GPHN: variants seen among roughly 807,000 people sequenced by gnomAD.
GPHN encodes gephyrin.
A neutral mutation model predicts 95.5 loss-of-function variants in GPHN; 17 were observed. The ratio of observed to expected loss-of-function variants is 0.18; its 90% CI spans 0.12 to 0.27. The LOEUF (loss-of-function observed/expected upper bound fraction) is 0.27. Ranked by LOEUF, GPHN falls within the 10% of genes least tolerant of loss-of-function variation. The pLI is 1.00. For missense variants in GPHN, 660 were observed against 978.1 expected (o/e 0.67, Z 4.34); for synonymous variants, 320 against 322.5 (o/e 0.99, Z 0.08).
the GPHN span, among the ~76,000 whole-genome samples, chr14:67,548,059 G>A: frequency 6.6e-6 from 1 of 152,274 alleles, no homozygotes; most frequent in African/African-American, 2.4e-5. Context: ...GATGACTTGA[G>A]ATTCACATCT....
the GPHN span, chr14:67,241,127 C>G: frequency 6.6e-6 from 1 of 152,248 alleles, no homozygotes; most frequent in South Asian, 2.1e-4. Context: ...CTTAGAGGCG[C>G]GCGACTGCGC....
At chr14:67,392,969 A>G in the GPHN span, 65 of 882,444 alleles carry the variant, frequency 7.4e-5, no homozygotes, top group Non-Finnish European at 1.0e-4. Flanking sequence ...GCAAGAGCAG[A>G]CTGAAGGCCA....
At chr14:66,685,669 T>G (rs1221537701) in intron 2 of GPHN, among the ~76,000 whole-genome samples, 1 of 152,132 alleles carries the variant, frequency 6.6e-6, no homozygotes, top group East Asian at 1.9e-4. Context: ...ATGAGTAGAT[T>G]GCAAAAATTT....
At chr14:67,163,118 C>T (rs1421672170) in intron 19 of GPHN, among the ~76,000 whole-genome samples, 1 of 151,938 alleles carries the variant, frequency 6.6e-6, no homozygotes, top group African/African-American at 2.4e-5. Flanking sequence ...CCAGCCTGGG[C>T]ACATAGCGAG....
At chr14:67,642,350 G>A in the GPHN span, 1 of 1,613,734 alleles carries the variant, frequency 6.2e-7, no homozygotes, top group African/African-American at 1.3e-5. Flanking sequence ...TGTCACACTG[G>A]GAGGAGACCA....
intron 8 of GPHN, among the ~76,000 whole-genome samples, chr14:66,933,218 G>A (rs752136871): frequency 1.3e-5 from 2 of 152,164 alleles, no homozygotes; most frequent in Non-Finnish European, 2.9e-5. Flanking sequence ...AGAATGAAAA[G>A]GAAGAAATAG....
Position 66,993,518 on chromosome 14 carries a change from T to C in GPHN, c.963+28193T>C, listed in dbSNP as rs147316555. 7.3e-3 allele frequency among the ~76,000 whole-genome samples: 1,116 copies of C among 152,324 alleles called. 13 individuals are homozygous for C. The highest frequency in any genetic ancestry group is 7.5e-3 in the Non-Finnish European group (512 of 68,008). On this transcript the variant is annotated intron_variant, in intron 9 of 22. Coordinates refer to ENST00000478722, the MANE Select transcript of GPHN (RefSeq NM_020806.5). ...CTGAAGACCATGATGAACTTTTGAT[T>C]TTTGCTAAATGCCCTGTTTGGCCTC...
At chr14:67,423,490 G>A in the GPHN span, among the ~76,000 whole-genome samples, 49 of 152,194 alleles carry the variant, frequency 3.2e-4, 1 homozygote, top group Admixed American at 5.2e-4. Context: ...AGTGAAAGGT[G>A]GGGAGGGACC....
At chr14:67,199,530 C>G in the GPHN span, 3 of 1,611,398 alleles carry the variant, frequency 1.9e-6, no homozygotes. Context: ...GCTTCAGTTG[C>G]AGCAATTGAA....
intron 4 of GPHN, among the ~76,000 whole-genome samples, chr14:66,865,658 T>C (rs2063195758): frequency 6.6e-6 from 1 of 152,174 alleles, no homozygotes; most frequent in Non-Finnish European, 1.5e-5. Flanking sequence ...TTTCCATCTA[T>C]CGCATTTATT....
chr14:67,030,822 A>G (rs1290800124), intron 10 of GPHN, among the ~76,000 whole-genome samples: 2 of 152,054 alleles, frequency 1.3e-5, no homozygotes, highest in Non-Finnish European at 2.9e-5. Context: ...TATCACCATG[A>G]CTCTCTCTCA....
At position 66,965,302 on chromosome 14, in the gene GPHN, A is replaced by G; in HGVS notation, c.940A>G (p.Thr314Ala). The G allele has an allele frequency of 6.2e-7, 1 of 1,613,678 alleles. No individual in the cohort carries two copies. The highest frequency in any genetic ancestry group is 8.5e-7 in the Non-Finnish European group (1 of 1,179,732). The part of the protein sequence containing the change: ...PRAQATSRLS[T>A]ASCPTPKVQS... ...TGCTCAGGCTACATCTCGCCTCTCT[A>G]CAGCTTCCTGCCCAACACCAAAAGT... The change falls in exon 9 of 23, where the codon ACA becomes GCA. Residue 314 changes from threonine (T) to alanine (A), a missense_variant. This residue lies in a region of GPHN where 190 missense variants were observed against 224.7 expected (regional missense o/e 0.85). Transcript: ENST00000478722.
chr14:67,310,663 A>G, the GPHN span, among the ~76,000 whole-genome samples: 1 of 152,134 alleles, frequency 6.6e-6, no homozygotes, highest in African/African-American at 2.4e-5. Flanking sequence ...TAGCTGTTTA[A>G]CTTTTATATC....
At chr14:67,383,287 G>A in the GPHN span, 2 of 1,609,158 alleles carry the variant, frequency 1.2e-6, no homozygotes, top group African/African-American at 2.7e-5. Context: ...TACTACTTCA[G>A]TTTGAAATTA....
At chr14:67,102,202 A>G (rs941914704) in intron 13 of GPHN, among the ~76,000 whole-genome samples, 5 of 152,002 alleles carry the variant, frequency 3.3e-5, no homozygotes, top group African/African-American at 4.8e-5. Context: ...AGGAAATAGC[A>G]TCTGTCAATC....
At chr14:67,203,353 T>A in the GPHN span, 1 of 1,371,944 alleles carries the variant, frequency 7.3e-7, no homozygotes, top group African/African-American at 1.5e-5. Flanking sequence ...GCCCTGTGGA[T>A]CTGAAAACGG....
rs189107802 is a variant in GPHN, at chr14:66,748,521, G to A, written c.144-27943G>A. 7.1e-4 allele frequency among the ~76,000 whole-genome samples: 108 copies of A among 151,880 alleles called. No homozygotes were observed. In the East Asian group the frequency reaches 0.018, roughly 25 times the overall value. On this transcript the variant is annotated intron_variant, in intron 2 of 22. Coordinates refer to ENST00000478722, the MANE Select transcript of GPHN (RefSeq NM_020806.5). ...TTGTTGCCATTGAAGCTACATTGAC[G>A]TATCATTATTACCCGATCCATACTT...
At chr14:67,381,703 T>C in the GPHN span, 1 of 1,585,894 alleles carries the variant, frequency 6.3e-7, no homozygotes, top group Non-Finnish European at 8.7e-7. Flanking sequence ...GAGTCATGAG[T>C]TGTCTCCCTC....
intron 4 of GPHN, among the ~76,000 whole-genome samples, chr14:66,830,285 G>A (rs1447103054): frequency 6.6e-6 from 1 of 151,912 alleles, no homozygotes; most frequent in Non-Finnish European, 1.5e-5. Flanking sequence ...TTTAGATGGA[G>A]CAAAGAAAAA....
Sources: allele counts gnomAD v4.1 joint callset (sites outside exome capture counted in the v4.1 genomes callset), GRCh38; gene constraint gnomAD v4.1.1; regional missense constraint gnomAD v4.1.1; transcripts MANE v1.5; gene names NCBI Gene and HGNC (gene_info 2026-07-23, HGNC 2026-07-21).